DNM3: variants seen among roughly 807,000 people sequenced by gnomAD.
DNM3 encodes the protein dynamin 3.
Under a neutral mutation model 101.6 loss-of-function variants are expected in DNM3, and 47 were observed. The observed-to-expected ratio is 0.46, with a 90% CI of 0.37 to 0.59. DNM3 has a LOEUF of 0.59. DNM3 is among the 20% of genes least tolerant of loss of function. The pLI is 0.00. For missense variants in DNM3, 849 were observed against 1,085.7 expected (o/e 0.78, Z 3.06); for synonymous variants, 385 against 387.9 (o/e 0.99, Z 0.09).
At chr1:172,153,370 G>T (rs1558648640) in intron 14 of DNM3, among the ~76,000 whole-genome samples, 1 of 152,126 alleles carries the variant, frequency 6.6e-6, no homozygotes, top group Admixed American at 6.6e-5. Context: ...TGACTTTTAT[G>T]TTGTCCCTGA....
rs573657145 is a variant in DNM3, at chr1:172,077,301, C to T, written c.1423-4531C>T. ...TTCATTGATTTTTTGAAGGGGTTTT[C>T]GTGTCTCTGTCTCCTTCAGTTCTGA... On this transcript the variant is annotated intron_variant, in intron 11 of 20. Coordinates refer to ENST00000627582, the MANE Select transcript of DNM3 (RefSeq NM_015569.5). Among the ~76,000 whole-genome samples the T allele has an allele frequency of 4.6e-5, 7 of 151,816 alleles. No homozygotes were observed. The East Asian group carries it at 7.7e-4, about 17-fold the overall frequency.
rs1464306604 is a variant in DNM3, at chr1:172,412,697, TA to T, written c.*4859del. ...TGAAGCTGTATTTCTGAAGCTGAAA[TA>T]AATTATAACATTTGAAGGACCCCTT... On this transcript the variant is annotated 3_prime_UTR_variant, in exon 21 of 21. Transcript: ENST00000627582. 1 of 985,834 alleles carries T rather than the reference TA, an allele frequency of 1.0e-6. No homozygotes were observed. The highest frequency in any genetic ancestry group is 1.2e-6 in the Non-Finnish European group (1 of 829,898). 61.1% of individuals were successfully genotyped at this position (985,834 alleles called of 1,614,324 possible).
Position 172,264,464 on chromosome 1 carries a change from G to C in DNM3, c.1769+10782G>C, listed in dbSNP as rs2062783775. ...GATTCTGAGGTTATGTTCCTAATTT[G>C]TTTTCTCTTCTGAGACAAGACCTTA... On this transcript the variant is annotated intron_variant, in intron 15 of 20. Coordinates refer to ENST00000627582, the MANE Select transcript of DNM3 (RefSeq NM_015569.5). Among the ~76,000 whole-genome samples, 3 of 152,026 alleles carry C rather than the reference G, an allele frequency of 2.0e-5. No homozygotes were observed. The South Asian group carries it at 6.2e-4, about 32-fold the overall frequency.
At chr1:172,099,545 AAT>A (rs1295313760) in intron 13 of DNM3, among the ~76,000 whole-genome samples, 1 of 152,120 alleles carries the variant, frequency 6.6e-6, no homozygotes, top group Non-Finnish European at 1.5e-5. Flanking sequence ...GAAATAGAAA[AAT>A]ATACTCTGAG....
intron 14 of DNM3, among the ~76,000 whole-genome samples, chr1:172,143,146 T>G (rs1040293559): frequency 5.3e-5 from 8 of 152,164 alleles, no homozygotes; most frequent in African/African-American, 1.9e-4. Flanking sequence ...AAAGAAAACT[T>G]AGGGAATCTT....
chr1:172,009,620 A>T (rs191865739), intron 4 of DNM3, among the ~76,000 whole-genome samples: 1 of 151,860 alleles, frequency 6.6e-6, no homozygotes, highest in Non-Finnish European at 1.5e-5. Flanking sequence ...GTACATTTCC[A>T]TTATTGCAGT....
chr1:172,260,536 G>T (rs764689939), intron 15 of DNM3, among the ~76,000 whole-genome samples: 10 of 151,524 alleles, frequency 6.6e-5, no homozygotes, highest in Non-Finnish European at 1.5e-4. Context: ...TTATTTTTGT[G>T]TGACTGGGTT....
Position 172,412,288 on chromosome 1 carries a change from T to A in DNM3, c.*4447T>A. 1 of 985,366 alleles carries A rather than the reference T, an allele frequency of 1.0e-6. No homozygotes were observed. The highest frequency in any genetic ancestry group is 1.2e-6 in the Non-Finnish European group (1 of 829,808). The allele number at this position is 985,366 out of a possible 1,614,324, so 61.0% of individuals were successfully genotyped here. The stretch of plus-strand genomic sequence containing the variant: ...AATGTTTTAAAATTATGACAAAAAT[T>A]ACTCTGTCTAACCACTTGCCTTGTC... On this transcript the variant is annotated 3_prime_UTR_variant, in exon 21 of 21. Coordinates refer to ENST00000627582, the MANE Select transcript of DNM3 (RefSeq NM_015569.5).
At chr1:172,413,623 TATTAC>T (rs1163297957), downstream of DNM3, among the ~76,000 whole-genome samples, 1 of 152,342 alleles carries the variant, frequency 6.6e-6, no homozygotes, top group South Asian at 2.1e-4. Flanking sequence ...GAAGACTCTC[TATTAC>T]AAGAGTTTTG....
chr1:172,309,075 C>T (rs917296098), intron 16 of DNM3: 7 of 400,962 alleles, frequency 1.7e-5, no homozygotes, highest in Non-Finnish European at 3.1e-5. Flanking sequence ...TCCTACTCAG[C>T]CATAAAACAC....
intron 15 of DNM3, among the ~76,000 whole-genome samples, chr1:172,274,537 C>T (rs537986648): frequency 1.3e-5 from 2 of 152,080 alleles, no homozygotes; most frequent in East Asian, 3.9e-4. Context: ...CTTCCTTCCC[C>T]TCCACTGTGA....
chr1:172,162,978 C>G (rs188586016), intron 14 of DNM3, among the ~76,000 whole-genome samples: 54 of 152,140 alleles, frequency 3.5e-4, no homozygotes, highest in African/African-American at 1.2e-3. Context: ...TAGAATTCTG[C>G]CTATTCATGA....
At chr1:172,274,834 A>G (rs2063220010) in intron 15 of DNM3, among the ~76,000 whole-genome samples, 1 of 151,680 alleles carries the variant, frequency 6.6e-6, no homozygotes, top group Non-Finnish European at 1.5e-5. Flanking sequence ...TGAGTTCAGC[A>G]GCACTCAAAC....
chr1:172,140,979 AT>A (rs1217666256), intron 14 of DNM3, among the ~76,000 whole-genome samples: 1 of 152,024 alleles, frequency 6.6e-6, no homozygotes, highest in Non-Finnish European at 1.5e-5. Flanking sequence ...AGCTATTTGT[AT>A]TATTATCATA....
At chr1:172,261,756 G>T (rs2062662884) in intron 15 of DNM3, among the ~76,000 whole-genome samples, 1 of 152,214 alleles carries the variant, frequency 6.6e-6, no homozygotes, top group Non-Finnish European at 1.5e-5. Context: ...CAGACTTTCA[G>T]GTGGTGTGTA....
At chr1:172,079,375 C>T (rs2125981931) in intron 11 of DNM3, among the ~76,000 whole-genome samples, 1 of 152,156 alleles carries the variant, frequency 6.6e-6, no homozygotes, top group African/African-American at 2.4e-5. Flanking sequence ...AGTTGATCTT[C>T]AATCTCTGAT....
At chr1:171,930,003 C>G (rs890736220) in intron 2 of DNM3, among the ~76,000 whole-genome samples, 7 of 152,026 alleles carry the variant, frequency 4.6e-5, no homozygotes, top group African/African-American at 1.7e-4. Flanking sequence ...TTTCAAATCT[C>G]TGTGGGCTGG....
chr1:171,852,817 A>G (rs978059194), intron 1 of DNM3, among the ~76,000 whole-genome samples: 4 of 152,152 alleles, frequency 2.6e-5, no homozygotes, highest in Non-Finnish European at 5.9e-5. Context: ...CTGGCGATTG[A>G]TGACTTGCTG....
intron 10 of DNM3, among the ~76,000 whole-genome samples, chr1:172,061,915 A>G (rs2051258772): frequency 6.6e-6 from 1 of 152,188 alleles, no homozygotes; most frequent in Non-Finnish European, 1.5e-5. Flanking sequence ...GTTGCCATCC[A>G]GTCAAACTCT....
Sources: allele counts gnomAD v4.1 joint callset (sites outside exome capture counted in the v4.1 genomes callset), GRCh38; gene constraint gnomAD v4.1.1; transcripts MANE v1.5; gene names NCBI Gene and HGNC (gene_info 2026-07-23, HGNC 2026-07-21).